The following PCDHGA4 variants were observed in gnomAD, a reference collection of about 807,000 sequenced individuals.
PCDHGA4 encodes the protein protocadherin gamma subfamily A, 4.
Under a neutral mutation model 54.6 loss-of-function variants are expected in PCDHGA4, and 38 were observed. The ratio of observed to expected loss-of-function variants is 0.70; its 90% CI spans 0.54 to 0.91. PCDHGA4 has a LOEUF of 0.91. Ranked by LOEUF, PCDHGA4 falls within the 40% of genes least tolerant of loss-of-function variation. PCDHGA4 has a pLI of 0.00. For missense variants in PCDHGA4, 1,298 were observed against 1,220.9 expected (o/e 1.06, Z -0.94); for synonymous variants, 511 against 512.9 (o/e 1.00, Z 0.05).
At chr5:141,508,903 G>A (rs1410291297) in intron 3 of PCDHGA4, among the ~76,000 whole-genome samples, 1 of 152,086 alleles carries the variant, frequency 6.6e-6, no homozygotes, top group East Asian at 1.9e-4. Flanking sequence ...GGGCGGGGCG[G>A]TGGCGGATCT....
chr5:141,364,374 T>C (rs1015001809), intron 1 of PCDHGA4: 42 of 1,573,582 alleles, frequency 2.7e-5, no homozygotes, highest in Non-Finnish European at 3.6e-5. Flanking sequence ...GAGCTGCTGC[T>C]GCCCTTCATG....
rs1255326344 is a variant in PCDHGA4, at chr5:141,431,636, A to G, written c.2515-63171A>G. 6.2e-7 allele frequency: 1 copy of G among 1,614,254 alleles called. No homozygotes were observed. ...GGACGACAAGGCGGCCCAAGTTTTC[A>G]AACTAGATTGTAATTCAGGGACAAT... On this transcript the variant is annotated intron_variant, in intron 1 of 3. Transcript: ENST00000571252. This position sits in a 1 kb window ranked among gnomAD's most constrained non-coding sequence, Gnocchi z 4.8.
rs70988800 is a variant in PCDHGA4 at position 141,379,889 on chromosome 5, C to CTTTTTTTTTTTTTTTTTTTTTT, written c.2514+22277_2514+22298dup. On this transcript the variant is annotated intron_variant, in intron 1 of 3. Coordinates refer to ENST00000571252, the MANE Select transcript of PCDHGA4 (RefSeq NM_018917.4). ...CTTATTTTATGGTCTGTGAAAGCCT[C>CTTTTTTTTTTTTTTTTTTTTTT]TTTTTTTTTTTTTTTTTTTTTTTTT... Among the ~76,000 whole-genome samples the CTTTTTTTTTTTTTTTTTTTTTT allele has an allele frequency of 1.7e-3, 88 of 50,830 alleles. 16 individuals carry two copies. The highest frequency in any genetic ancestry group is 2.3e-3 in the Non-Finnish European group (60 of 25,884). 33.3% of individuals were successfully genotyped at this position (50,830 alleles called of 152,430 possible).
At chr5:141,456,197 C>T (rs1353243708) in intron 1 of PCDHGA4, among the ~76,000 whole-genome samples, 1 of 152,090 alleles carries the variant, frequency 6.6e-6, no homozygotes, top group Non-Finnish European at 1.5e-5. Context: ...ATAACTCCTA[C>T]CACATTCCTC....
Position 141,404,841 on chromosome 5 carries a change from G to A in PCDHGA4, c.2514+47220G>A, listed in dbSNP as rs765291212. The stretch of plus-strand genomic sequence containing the variant: ...CACACAGGTGAAGTGCGCACAGCTC[G>A]GGCCCTGCTAGATAGAGATGCGCTC... On this transcript the variant is annotated intron_variant, in intron 1 of 3. Coordinates refer to ENST00000571252, the MANE Select transcript of PCDHGA4 (RefSeq NM_018917.4). 1.1e-5 allele frequency: 17 copies of A among 1,613,886 alleles called. No individual in the cohort carries two copies. Among genetic ancestry groups the A allele is most frequent in the Non-Finnish European group, 1.4e-5 (16 of 1,179,920 alleles).
Position 141,477,209 on chromosome 5 carries a change from GC to G in PCDHGA4, c.2515-17594del. On this transcript the variant is annotated intron_variant, in intron 1 of 3. Transcript: ENST00000571252. The surrounding 1 kb of genome is among the most constrained non-coding windows in gnomAD (Gnocchi z 4.9). Reference sequence around the variant, plus strand: ...CGTGTACAGCCCAGTACCCGAGGATGCCCCTCTGGGGACTGTCATCGCTTTG... The same window carrying G: ...CGTGTACAGCCCAGTACCCGAGGATGCCCTCTGGGGACTGTCATCGCTTTG... The G allele has an allele frequency of 6.2e-7, 1 of 1,614,194 alleles. No homozygotes were observed. Among genetic ancestry groups the G allele is most frequent in the Non-Finnish European group, 8.5e-7 (1 of 1,180,038 alleles).
At position 141,440,639 on chromosome 5, in the gene PCDHGA4, T is replaced by C. The variant is rs2098191350; in HGVS notation, c.2515-54168T>C. On this transcript the variant is annotated intron_variant, in intron 1 of 3. Coordinates refer to ENST00000571252, the MANE Select transcript of PCDHGA4 (RefSeq NM_018917.4). ...GATCCTGATGTTGAGAGAAATTCCT[T>C]ACAAAATTATCACCTTAGCAGCAAC... 2 of 152,192 alleles carry C rather than the reference T, an allele frequency of 1.3e-5. 1 individual carries two copies. The highest frequency in any genetic ancestry group is 4.8e-5 in the African/African-American group (2 of 41,440). The allele number at this position is 152,192 out of a possible 1,614,324, so 9.4% of individuals were successfully genotyped here.
intron 1 of PCDHGA4, chr5:141,478,917 T>A: frequency 1.3e-6 from 1 of 772,666 alleles, no homozygotes; most frequent in Middle Eastern, 3.9e-4. Flanking sequence ...TGGATACCTC[T>A]AACCAGTGGC....
intron 1 of PCDHGA4, chr5:141,393,832 T>C (rs953592252): frequency 6.2e-7 from 1 of 1,613,866 alleles, no homozygotes; most frequent in African/African-American, 1.3e-5. Context: ...GTGGAAGATG[T>C]AAATGACAAT....
chr5:141,366,291 T>A, intron 1 of PCDHGA4: 1 of 1,613,746 alleles, frequency 6.2e-7, no homozygotes, highest in Non-Finnish European at 8.5e-7. Context: ...CAGCCCCCTC[T>A]GTCAGCCACC....
intron 1 of PCDHGA4, chr5:141,383,589 G>A (rs1199547727): frequency 1.2e-6 from 2 of 1,613,716 alleles, no homozygotes; most frequent in Admixed American, 3.3e-5. Context: ...ACATCCAGGT[G>A]ACAGTGGTGG....
At position 141,357,115 on chromosome 5, in the gene PCDHGA4, A is replaced by T. The variant is rs1435860380; in HGVS notation, c.2008A>T (p.Lys670Ter). ...ARALLDRDALKQRLVVVVQDH... is the reference protein window; with the variant it reads ...ARALLDRDAL ...GGCCCTGCTGGACAGAGACGCGCTC[A>T]AGCAGAGGCTTGTAGTGGTCGTCCA... Residue 670 changes from lysine to a stop codon, truncating the protein, a stop_gained, in exon 1 of 4, where the codon AAG becomes TAG. Transcript: ENST00000571252. LOFTEE classifies it high-confidence loss of function. 6.2e-7 allele frequency: 1 copy of T among 1,613,684 alleles called. No homozygotes were observed. The highest frequency in any genetic ancestry group is 8.5e-7 in the Non-Finnish European group (1 of 1,179,946).
In PCDHGA4 at chr5:141,355,093, G is replaced by A. The variant is rs1311251938; in HGVS notation, c.-15G>A. 2 of 1,483,574 alleles carry A rather than the reference G, an allele frequency of 1.3e-6. No homozygotes were observed. The highest frequency in any genetic ancestry group is 1.8e-6 in the Non-Finnish European group (2 of 1,113,896). 91.9% of individuals were successfully genotyped at this position (1,483,574 alleles called of 1,614,324 possible). On this transcript the variant is annotated 5_prime_UTR_variant, in exon 1 of 4. Transcript: ENST00000571252. ...TGAAAGCTTCAAGCGGAAGCCCTGA[G>A]AGCTCTGGCTGTGAATGCACTTTAT...
At chr5:141,472,256 T>C (rs2099275290) in intron 1 of PCDHGA4, among the ~76,000 whole-genome samples, 1 of 152,176 alleles carries the variant, frequency 6.6e-6, no homozygotes, top group South Asian at 2.1e-4. Flanking sequence ...TAAAGTTATA[T>C]TATAGCCGGG....
At position 141,357,730 on chromosome 5, in the gene PCDHGA4, A is replaced by T. The variant is rs1330866437; in HGVS notation, c.2514+109A>T. 35 of 1,357,520 alleles carry T rather than the reference A, an allele frequency of 2.6e-5. No individual in the cohort carries two copies. The East Asian group carries it at 8.3e-4, about 32-fold the overall frequency. The allele number at this position is 1,357,520 out of a possible 1,614,324, so 84.1% of individuals were successfully genotyped here. ...ATCAAATAAAGTTGCCTCTTTTAAT[A>T]TTTTATTGCTTTAAAGAAAACTGGT... On this transcript the variant is annotated intron_variant, in intron 1 of 3. Coordinates refer to ENST00000571252, the MANE Select transcript of PCDHGA4 (RefSeq NM_018917.4).
chr5:141,419,333 A>G, intron 1 of PCDHGA4: 2 of 1,613,804 alleles, frequency 1.2e-6, no homozygotes, highest in South Asian at 1.1e-5. Context: ...CTACTCTCTC[A>G]TTGCCAGCGA....
Position 141,374,782 on chromosome 5 carries a change from A to G in PCDHGA4, c.2514+17161A>G, listed in dbSNP as rs781674966. The G allele has an allele frequency of 1.9e-6, 3 of 1,613,904 alleles. No individual in the cohort carries two copies. The East Asian group carries it at 6.7e-5, about 36-fold the overall frequency. ...TCGCCCAAATTCTGGTAACAGTTCT[A>G]GATGTGAATGACAACACTCCAATGT... On this transcript the variant is annotated intron_variant, in intron 1 of 3. Coordinates refer to ENST00000571252, the MANE Select transcript of PCDHGA4 (RefSeq NM_018917.4).
rs780863525 is a variant in PCDHGA4 at position 141,384,110 on chromosome 5, T to C, written c.2514+26489T>C. The stretch of plus-strand genomic sequence containing the variant: ...AAATCAATAGATAATTATTATAGAT[T>C]GGTCACAACCAAAAACTTGGACCGG... On this transcript the variant is annotated intron_variant, in intron 1 of 3. Transcript: ENST00000571252. The C allele has an allele frequency of 5.0e-6, 8 of 1,604,780 alleles. No homozygotes were observed. The South Asian group carries it at 7.8e-5, about 16-fold the overall frequency.
chr5:141,508,139 G>C (rs1243018384), intron 3 of PCDHGA4: 1 of 152,514 alleles, frequency 6.6e-6, no homozygotes, highest in African/African-American at 2.4e-5. Flanking sequence ...CAGGGAGCTG[G>C]GGGCTGAGTT....
Sources: gnomAD v4.1 joint callset for allele counts (sites outside exome capture counted in the v4.1 genomes callset) on GRCh38, gnomAD v4.1.1 for gene constraint, Gnocchi (gnomAD v3.1) non-coding constraint, MANE v1.5 for transcripts, NCBI Gene and HGNC (gene_info 2026-07-23, HGNC 2026-07-21) for gene names.